Variants in MYO15A observed in about 807,000 individuals in gnomAD.
MYO15A encodes myosin XVA.
In MYO15A, 308 loss-of-function variants were observed where a neutral mutation model predicts 394.6. That is an observed-to-expected ratio of 0.78 (90% CI 0.71 to 0.86). The LOEUF (loss-of-function observed/expected upper bound fraction) is 0.86, where lower values mean the gene tolerates loss of function less well. Among genes scored for constraint, MYO15A ranks in the 40% least tolerant of loss-of-function variants. The pLI, the probability that MYO15A is intolerant of heterozygous loss-of-function variation, is 0.00. For synonymous variants in MYO15A, 1,957 were observed against 2,003.8 expected (o/e 0.98, Z 0.62); for missense variants, 4,606 against 4,799.1 (o/e 0.96, Z 1.19).
In MYO15A at chr17:18,121,805, C is replaced by A. The variant is rs758747812; in HGVS notation, c.3005C>A (p.Thr1002Asn). ...CATGAGCCGGGGCCTGGACAGCTCA[C>A]CAAATCAGCTGGCCCAACCCCTGAG... is the stretch of plus-strand genomic sequence containing the variant. ...RHHEPGPGQL[T>N]KSAGPTPEKP... The change falls in exon 2 of 66, where the codon ACC becomes AAC. Residue 1002 changes from threonine to asparagine, a missense_variant. Coordinates refer to ENST00000647165, the MANE Select transcript of MYO15A (RefSeq NM_016239.4). The surrounding 1 kb of genome is among the most constrained non-coding windows in gnomAD (Gnocchi z 5.3). The A allele has an allele frequency of 2.5e-6, 4 of 1,612,680 alleles. No individual in the cohort carries two copies. Among genetic ancestry groups the A allele is most frequent in the Non-Finnish European group, 3.4e-6 (4 of 1,179,912 alleles).
rs1408218696 is a variant in MYO15A at position 18,163,242 on chromosome 17, A to C, written c.9613-2A>C. The C allele has an allele frequency of 3.7e-6, 6 of 1,614,028 alleles. No individual in the cohort carries two copies. Among genetic ancestry groups the C allele is most frequent in the Non-Finnish European group, 5.1e-6 (6 of 1,179,990 alleles). ...CATCCCTCTCCCACCTATCTACCCC[A>C]GGCAGGCCGCAGTTCCAAGAGGCAA... On this transcript the variant is annotated splice_acceptor_variant, in intron 58 of 65. Transcript: ENST00000647165. LOFTEE classifies it high-confidence loss of function.
chr17:18,126,596 C>A, intron 5 of MYO15A, 140 bp downstream of exon 5: 1 of 1,077,374 alleles, frequency 9.3e-7, no homozygotes. Context: ...CTGACAGTCT[C>A]TCCCCAGGCA....
intron 6 of MYO15A, 52 bp from the exon 7 acceptor site, chr17:18,127,023 C>A (rs1414456551): frequency 1.2e-6 from 2 of 1,605,976 alleles, no homozygotes; most frequent in African/African-American, 2.7e-5. Context: ...TCAGGGTGCC[C>A]CAGAAGAGGC....
chr17:18,163,137 G>C (rs561410258), intron 58 of MYO15A, 107 bp from the exon 59 acceptor site: 2 of 1,217,100 alleles, frequency 1.6e-6, no homozygotes, highest in Admixed American at 1.7e-5. Context: ...GTTCCTACAC[G>C]TGCCAGCCCA....
At chr17:18,126,311 G>C (rs1407844571) in intron 4 of MYO15A, 36 bp from the exon 5 acceptor site, 1 of 1,567,052 alleles carries the variant, frequency 6.4e-7, no homozygotes, top group Non-Finnish European at 8.8e-7. Context: ...AGGTCTGCAA[G>C]GAGCCACGAC....
rs936169653 is a variant in MYO15A, at chr17:18,147,584, G to A, written c.6510-445G>A. Among the ~76,000 whole-genome samples, 2 of 152,170 alleles carry A rather than the reference G, an allele frequency of 1.3e-5. No individual in the cohort carries two copies. Among genetic ancestry groups the A allele is most frequent in the Admixed American group, 6.5e-5 (1 of 15,272 alleles). On this transcript the variant is annotated intron_variant, in intron 30 of 65. Transcript: ENST00000647165. The surrounding 1 kb of genome is among the most constrained non-coding windows in gnomAD (Gnocchi z 4.4). ...AACTTGGAGGAGAGGCTCAGAGAGG[G>A]CAGATAATCATCCAAGGTTGCCCTG...
At chr17:18,111,341 G>GAAAAAAAAA (rs57095827) in intron 1 of MYO15A, among the ~76,000 whole-genome samples, 4 of 118,944 alleles carry the variant, frequency 3.4e-5, no homozygotes, top group Admixed American at 8.4e-5. Context: ...TCTCAAAAGA[G>GAAAAAAAAA]AAAAAAAAAA....
Position 18,139,518 on chromosome 17 carries a change from T to C in MYO15A, c.5134-16T>C, listed in dbSNP as rs754819660. The stretch of plus-strand genomic sequence containing the variant: ...ACAGAGGCCAGGATTACCCAGGCCA[T>C]TGTTCCCCTTTTCAGGTGCACAAGT... On this transcript the variant is annotated splice_polypyrimidine_tract_variant and intron_variant, in intron 18 of 65. Transcript: ENST00000647165. The C allele has an allele frequency of 1.9e-6, 3 of 1,613,222 alleles. No individual in the cohort carries two copies. The highest frequency in any genetic ancestry group is 1.7e-6 in the Non-Finnish European group (2 of 1,179,602).
rs854782 is a variant in MYO15A, at chr17:18,139,662, C to A, written c.5211+51C>A. The A allele has an allele frequency of 0.53, 829,150 of 1,577,010 alleles. 222,705 individuals carry two copies. Among genetic ancestry groups the A allele is most frequent in the Admixed American group, 0.61 (35,797 of 58,292 alleles). On this transcript the variant is annotated intron_variant, in intron 19 of 65. Coordinates refer to ENST00000647165, the MANE Select transcript of MYO15A (RefSeq NM_016239.4). ...GCCCTGCCCCCAGGCATGTCCCCACCCCCACACCCAGCCTGCCTTCAGGCC... is the reference window on the plus strand; with the variant it reads ...GCCCTGCCCCCAGGCATGTCCCCACACCCACACCCAGCCTGCCTTCAGGCC...
Position 18,119,818 on chromosome 17 carries a change from G to C in MYO15A, c.1018G>C (p.Gly340Arg). The change falls in exon 2 of 66, where the codon GGC becomes CGC. Residue 340 changes from glycine to arginine, a missense_variant. Gly to Arg is a moderately radical substitution (Grantham distance 125). Transcript: ENST00000647165. Reference protein sequence around the residue: ...DGYEGEAHPYGYYLDPYAPYD... With the variant: ...DGYEGEAHPYRYYLDPYAPYD... ...GTACGAGGGCGAGGCGCACCCTTAT[G>C]GCTACTACCTGGATCCCTATGCGCC... is the stretch of plus-strand genomic sequence containing the variant. The C allele has an allele frequency of 6.2e-7, 1 of 1,613,044 alleles. No individual in the cohort carries two copies. The highest frequency in any genetic ancestry group is 8.5e-7 in the Non-Finnish European group (1 of 1,179,998).
At chr17:18,174,226 T>C (rs1007413922) in intron 65 of MYO15A, among the ~76,000 whole-genome samples, 4 of 151,942 alleles carry the variant, frequency 2.6e-5, no homozygotes, top group Non-Finnish European at 4.4e-5. Flanking sequence ...GGCCCCAGGA[T>C]TGAGGGTGGA....
rs549921669 is a variant in MYO15A at position 18,155,362 on chromosome 17, A to G, written c.8389A>G (p.Ile2797Val). 1.6e-5 allele frequency: 26 copies of G among 1,613,808 alleles called. No individual in the cohort carries two copies. The South Asian group carries it at 2.3e-4, about 14-fold the overall frequency. Residue 2797 changes from isoleucine to valine, a missense_variant, in exon 47 of 66, where the codon ATC (isoleucine) becomes GTC (valine). Coordinates refer to ENST00000647165, the MANE Select transcript of MYO15A (RefSeq NM_016239.4). ...VQLLAVSHVG[I>V]KLLRMVKGGQ... ...GCTCCTAGCTGTGTCCCACGTGGGCATCAAACTCCTGAGGATGGTCAAGGG... is the reference window on the plus strand; with the variant it reads ...GCTCCTAGCTGTGTCCCACGTGGGCGTCAAACTCCTGAGGATGGTCAAGGG...
rs1360083326 is a variant in MYO15A at position 18,121,850 on chromosome 17, C to G, written c.3050C>G (p.Thr1017Ser). The G allele has an allele frequency of 6.2e-7, 1 of 1,612,702 alleles. No individual in the cohort carries two copies. The highest frequency in any genetic ancestry group is 8.5e-7 in the Non-Finnish European group (1 of 1,179,908). ...PTPEKPEEEATLGDPQLPAET... is the reference protein window; with the variant it reads ...PTPEKPEEEASLGDPQLPAET... The stretch of plus-strand genomic sequence containing the variant: ...CCTGAGAAGCCTGAAGAAGAGGCCA[C>G]CCTGGGGGACCCCCAGCTGCCAGCA... The change falls in exon 2 of 66, where the codon ACC becomes AGC. Residue 1017 changes from threonine (T) to serine (S), a missense_variant. Thr to Ser is a moderately conservative substitution (Grantham distance 58, BLOSUM62 1). Transcript: ENST00000647165. The surrounding 1 kb of genome is among the most constrained non-coding windows in gnomAD (Gnocchi z 5.3).
Position 18,118,680 on chromosome 17 carries a change from GCT to G in MYO15A, c.-119_-118del. 1 of 1,518,392 alleles carries G rather than the reference GCT, an allele frequency of 6.6e-7. No individual in the cohort carries two copies. The highest frequency in any genetic ancestry group is 8.9e-7 in the Non-Finnish European group (1 of 1,121,202). 94.1% of individuals were successfully genotyped at this position (1,518,392 alleles called of 1,614,324 possible). On this transcript the variant is annotated 5_prime_UTR_variant, in exon 2 of 66. An upstream open reading frame in the 5' UTR loses its in-frame stop. Transcript: ENST00000647165. ...ACGCCACCCAGGGCCAGTCGGGTCT[GCT>G]CACAGCCCGAGGAGGCCGCGTGTCC...
chr17:18,120,867 G>A lies in MYO15A; in HGVS notation c.2067G>A (p.Arg689=). 2.4e-6 allele frequency: 3 copies of A among 1,252,260 alleles called. No individual in the cohort carries two copies. The highest frequency in any genetic ancestry group is 2.0e-6 in the Non-Finnish European group (2 of 994,934). 77.6% of individuals were successfully genotyped at this position (1,252,260 alleles called of 1,614,324 possible). A position where few individuals can be genotyped will look rare whatever the true frequency, so the allele number is the denominator to read the frequency against. Residue 689 remains arginine, a synonymous_variant, in exon 2 of 66, where the codon CGG becomes CGA. Coordinates refer to ENST00000647165, the MANE Select transcript of MYO15A (RefSeq NM_016239.4). Reference sequence around the variant, plus strand: ...CCCCGGCGCTCTCGGGCCTGCCCCGGCCGGCCTCGCCCTACGGCTCCCTCC... The same window carrying A: ...CCCCGGCGCTCTCGGGCCTGCCCCGACCGGCCTCGCCCTACGGCTCCCTCC... The part of the protein sequence containing the change: ...PLSPALSGLP[R]PASPYGSLRR...
rs2045920257 is a variant in MYO15A at position 18,121,187 on chromosome 17, C to T, written c.2387C>T (p.Ser796Leu). 3 of 1,510,686 alleles carry T rather than the reference C, an allele frequency of 2.0e-6. No homozygotes were observed. The highest frequency in any genetic ancestry group is 2.7e-5 in the East Asian group (1 of 36,904). The allele number at this position is 1,510,686 out of a possible 1,614,324, so 93.6% of individuals were successfully genotyped here. A position where few individuals can be genotyped will look rare whatever the true frequency, so the allele number is the denominator to read the frequency against. The stretch of plus-strand genomic sequence containing the variant: ...TACTGCTCACCCTTGGCGCCCCCGT[C>T]GCCTCAGCTGTCCTTGCGCACGGGC... ...LGYCSPLAPP[S>L]PQLSLRTGPF... Residue 796 changes from serine to leucine, a missense_variant, in exon 2 of 66, where the codon TCG (serine) becomes TTG (leucine). Coordinates refer to ENST00000647165, the MANE Select transcript of MYO15A (RefSeq NM_016239.4). The surrounding 1 kb of genome is among the most constrained non-coding windows in gnomAD (Gnocchi z 5.3).
Position 18,118,913 on chromosome 17 carries a change from T to C in MYO15A, c.113T>C (p.Met38Thr). ...CTGAAGGGGACGTCGCGGCTGTTCA[T>C]GGGCTTCCGCGACCGTACACCCAAG... ...RSLKGTSRLF[M>T]GFRDRTPKIS... The change falls in exon 2 of 66, where the codon ATG becomes ACG. Residue 38 changes from methionine to threonine, a missense_variant. Transcript: ENST00000647165. 6.2e-7 allele frequency: 1 copy of C among 1,613,856 alleles called. No individual in the cohort carries two copies. The highest frequency in any genetic ancestry group is 1.1e-5 in the South Asian group (1 of 91,078).
At chr17:18,163,109 CG>C in intron 58 of MYO15A, 134 bp from the exon 59 acceptor site, 1 of 896,198 alleles carries the variant, frequency 1.1e-6, no homozygotes, top group Non-Finnish European at 1.9e-6. Context: ...AGGCCCTGCG[CG>C]GTCCAGGTGC....
rs1335903851 is a variant in MYO15A at position 18,153,679 on chromosome 17, C to A, written c.7967-96C>A. On this transcript the variant is annotated intron_variant, in intron 42 of 65. Transcript: ENST00000647165. This position sits in a 1 kb window ranked among gnomAD's most constrained non-coding sequence, Gnocchi z 4.1. ...CGCCACTGCACTCTAGCCTGGGGGA[C>A]AACAGCGAAACTCCGTCTCAAAAAT... 2.7e-5 allele frequency: 33 copies of A among 1,227,024 alleles called. No homozygotes were observed. The highest frequency in any genetic ancestry group is 3.5e-5 in the Non-Finnish European group (33 of 955,870). 76.0% of individuals were successfully genotyped at this position (1,227,024 alleles called of 1,614,324 possible).
Sources: gnomAD v4.1 joint callset for allele counts (sites outside exome capture counted in the v4.1 genomes callset) on GRCh38, gnomAD v4.1.1 for gene constraint, Gnocchi (gnomAD v3.1) non-coding constraint, MANE v1.5 for transcripts, NCBI Gene and HGNC (gene_info 2026-07-23, HGNC 2026-07-21) for gene names.